The following SRP19 variants were observed in gnomAD, a reference collection of about 807,000 sequenced individuals.
SRP19 encodes the protein signal recognition particle 19, also known as signal recognition particle 19 kDa protein.
Under a neutral mutation model 22.4 loss-of-function variants are expected in SRP19, and 11 were observed. That is an observed-to-expected ratio of 0.49 (90% CI 0.31 to 0.81). The LOEUF (loss-of-function observed/expected upper bound fraction) is 0.81, where lower values mean the gene tolerates loss of function less well. SRP19 is among the 40% of genes least tolerant of loss of function. The pLI, the probability that SRP19 is intolerant of heterozygous loss-of-function variation, is 0.05. For missense variants in SRP19, 168 were observed against 175.9 expected, an observed-to-expected ratio of 0.96 and a Z score of 0.25; for synonymous variants, 61 against 57.6, an observed-to-expected ratio of 1.06 and a Z score of -0.27.
downstream of SRP19, among the ~76,000 whole-genome samples, chr5:112,871,418 C>G (rs1234371578): frequency 6.6e-6 from 1 of 151,928 alleles, no homozygotes; most frequent in African/African-American, 2.4e-5. Flanking sequence ...AAGTGATCCT[C>G]CCATCTCAGC....
chr5:112,879,116 A>C (rs1206502556), intron 4 of SRP19, among the ~76,000 whole-genome samples: 1 of 152,112 alleles, frequency 6.6e-6, no homozygotes. Flanking sequence ...TCTGCCCTCT[A>C]TTCTCCTTTA....
intron 4 of SRP19, among the ~76,000 whole-genome samples, chr5:112,888,555 GA>G (rs754859591): frequency 0.021 from 3,150 of 149,248 alleles, 112 homozygotes; most frequent in East Asian, 0.11. Flanking sequence ...AAGTAGCTGG[GA>G]ATGACTGCAG....
intron 4 of SRP19, among the ~76,000 whole-genome samples, chr5:112,891,385 T>C (rs1443482905): frequency 6.6e-6 from 1 of 152,120 alleles, no homozygotes; most frequent in Non-Finnish European, 1.5e-5. Flanking sequence ...AAGTAAATAT[T>C]TTAGAACTCT....
chr5:112,864,546 A>G lies in SRP19; in HGVS notation c.189+18A>G. On this transcript the variant is annotated intron_variant, in intron 3 of 4. Transcript: ENST00000505459. ...TTCTTGAGGTATGACGTGGTTCTTC[A>G]CTATTTTCCATACTCATCTAATTGA... 1 of 1,613,362 alleles carries G rather than the reference A, an allele frequency of 6.2e-7. No homozygotes were observed. Among genetic ancestry groups the G allele is most frequent in the Non-Finnish European group, 8.5e-7 (1 of 1,179,302 alleles).
chr5:112,891,937 G>A, exon 5 of SRP19: 2 of 1,241,140 alleles, frequency 1.6e-6, no homozygotes, highest in Non-Finnish European at 2.4e-6. Context: ...AAAGGAAGAG[G>A]CGGCTAAAAA....
intron 4 of SRP19, among the ~76,000 whole-genome samples, chr5:112,875,123 A>C (rs1181480587): frequency 2.0e-5 from 3 of 152,170 alleles, no homozygotes; most frequent in African/African-American, 7.2e-5. Flanking sequence ...GAAACTCTTA[A>C]ATGTGTATGT....
chr5:112,890,028 T>C (rs1294276216), intron 4 of SRP19, among the ~76,000 whole-genome samples: 1 of 150,406 alleles, frequency 6.6e-6, no homozygotes, highest in South Asian at 2.1e-4. Context: ...GGTTTCACCA[T>C]GTTGGCCAGG....
chr5:112,893,950 G>A (rs1768589731), downstream of SRP19: 1 of 151,948 alleles, frequency 6.6e-6, no homozygotes, highest in Non-Finnish European at 1.5e-5. Flanking sequence ...GTTTTTTTGA[G>A]ATACGCATTT....
intron 4 of SRP19, among the ~76,000 whole-genome samples, chr5:112,884,757 A>G (rs903258434): frequency 7.0e-6 from 1 of 143,234 alleles, no homozygotes; most frequent in African/African-American, 2.8e-5. Context: ...ATTTAAAATC[A>G]TAACCATCCC....
Position 112,861,347 on chromosome 5 carries a change from G to T in SRP19, c.-30G>T. 6.2e-7 allele frequency: 1 copy of T among 1,614,116 alleles called. No homozygotes were observed. Among genetic ancestry groups the T allele is most frequent in the Non-Finnish European group, 8.5e-7 (1 of 1,179,990 alleles). ...GGGTTTCTGCCGGGTTTCTCCCTGCGGCTCCTGGGTTGTTGAGACTCTTGT... is the reference window on the plus strand; with the variant it reads ...GGGTTTCTGCCGGGTTTCTCCCTGCTGCTCCTGGGTTGTTGAGACTCTTGT... On this transcript the variant is annotated 5_prime_UTR_variant, in exon 1 of 5. Coordinates refer to ENST00000505459, the MANE Select transcript of SRP19 (RefSeq NM_003135.3).
At chr5:112,877,013 C>T (rs1285323129) in intron 4 of SRP19, 1 of 152,004 alleles carries the variant, frequency 6.6e-6, no homozygotes, top group Non-Finnish European at 1.5e-5. Context: ...ACCAAGAAAA[C>T]TGTACTTTTA....
intron 4 of SRP19, among the ~76,000 whole-genome samples, chr5:112,881,287 A>C (rs1170696492): frequency 6.6e-6 from 1 of 152,164 alleles, no homozygotes; most frequent in Non-Finnish European, 1.5e-5. Flanking sequence ...AATGGGGAAC[A>C]TACCACTTCT....
intron 1 of SRP19, among the ~76,000 whole-genome samples, chr5:112,861,974 A>G (rs1218574313): frequency 6.6e-6 from 1 of 152,254 alleles, no homozygotes; most frequent in East Asian, 1.9e-4. Context: ...TAAGCAAATA[A>G]TAGCATAGGT....
chr5:112,893,027 G>C (rs1350174571), exon 5 of SRP19: 1 of 1,521,032 alleles, frequency 6.6e-7, no homozygotes, highest in Non-Finnish European at 9.1e-7. Context: ...AGTCGTGGGA[G>C]GAGGAAGTCG....
Position 112,868,532 on chromosome 5 carries a change from C to G in SRP19, c.*995C>G, listed in dbSNP as rs979904082. 6.7e-6 allele frequency: 2 copies of G among 297,414 alleles called. No individual in the cohort carries two copies. The highest frequency in any genetic ancestry group is 6.5e-5 in the Admixed American group (1 of 15,438). The allele number at this position is 297,414 out of a possible 1,614,324, so 18.4% of individuals were successfully genotyped here. A position where few individuals can be genotyped will look rare whatever the true frequency, so the allele number is the denominator to read the frequency against. ...TCTCCTGCCTCAGCCTCCCTAGGAG[C>G]TGGGATTACAGGCATGTGCCACCAC... is the stretch of plus-strand genomic sequence containing the variant. On this transcript the variant is annotated 3_prime_UTR_variant, in exon 5 of 5. Transcript: ENST00000505459.
chr5:112,878,282 C>T (rs1767958314), intron 4 of SRP19: 1 of 154,794 alleles, frequency 6.5e-6, no homozygotes. Context: ...ACAACCTTCC[C>T]CTGCTCCCTC....
At chr5:112,877,357 A>G (rs1767929273) in intron 4 of SRP19, 1 of 152,196 alleles carries the variant, frequency 6.6e-6, no homozygotes, top group Non-Finnish European at 1.5e-5. Flanking sequence ...TAGTTTAGTT[A>G]TACACTTGTT....
At chr5:112,890,495 G>A (rs818426) in intron 4 of SRP19, among the ~76,000 whole-genome samples, 80,012 of 149,488 alleles carry the variant, frequency 0.54, 24,308 homozygotes, top group African/African-American at 0.8. Context: ...CAGCCCCCCA[G>A]GTAGCTGAAG....
Position 112,867,945 on chromosome 5 carries a change from G to A in SRP19, c.*408G>A. Reference sequence around the variant, plus strand: ...TTGCTTATATACTAATGCTAGGAGAGGAGGGATAATTAAGAATAAAATATG... The same window carrying A: ...TTGCTTATATACTAATGCTAGGAGAAGAGGGATAATTAAGAATAAAATATG... On this transcript the variant is annotated 3_prime_UTR_variant, in exon 5 of 5. Coordinates refer to ENST00000505459, the MANE Select transcript of SRP19 (RefSeq NM_003135.3). The A allele has an allele frequency of 2.0e-6, 2 of 987,942 alleles. No homozygotes were observed. The highest frequency in any genetic ancestry group is 1.7e-5 in the African/African-American group (1 of 57,352). 61.2% of individuals were successfully genotyped at this position (987,942 alleles called of 1,614,324 possible). A position where few individuals can be genotyped will look rare whatever the true frequency, so the allele number is the denominator to read the frequency against.
Sources: allele counts gnomAD v4.1 joint callset (sites outside exome capture counted in the v4.1 genomes callset), GRCh38; gene constraint gnomAD v4.1.1; transcripts MANE v1.5; gene names NCBI Gene and HGNC (gene_info 2026-07-23, HGNC 2026-07-21).